PTAR1: variants seen among roughly 807,000 people sequenced by gnomAD.
PTAR1 encodes the protein protein prenyltransferase alpha subunit repeat-containing protein 1.
In PTAR1, 17 loss-of-function variants were observed where a neutral mutation model predicts 45.5. The observed-to-expected ratio is 0.37, with a 90% CI of 0.26 to 0.56. The LOEUF is 0.56. Ranked by LOEUF, PTAR1 falls within the 20% of genes least tolerant of loss-of-function variation. The pLI, the probability that PTAR1 is intolerant of heterozygous loss-of-function variation, is 0.77. For missense variants in PTAR1, 391 were observed against 476.3 expected, an observed-to-expected ratio of 0.82 and a Z score of 1.67; for synonymous variants, 169 against 171.3, an observed-to-expected ratio of 0.99 and a Z score of 0.11.
chr9:69,718,485 G>A lies in PTAR1; in HGVS notation c.1066C>T (p.Leu356=). 2.5e-6 allele frequency: 4 copies of A among 1,613,722 alleles called. No individual in the cohort carries two copies. The highest frequency in any genetic ancestry group is 2.2e-5 in the East Asian group (1 of 44,862). ...GAGTCTGGAACTGGCGTCCGCTTCA[G>A]GCGTTTGGTTTCCTGGGAATAGCCT... The part of the protein sequence containing the change: ...KQGYSQETKR[L]KRTPVPDSLG... Residue 356 remains leucine, a synonymous_variant, in exon 8 of 8, where the codon CTG becomes TTG. Coordinates refer to ENST00000340434, the MANE Select transcript of PTAR1 (RefSeq NM_001099666.2).
Position 69,732,068 on chromosome 9 carries a change from G to A in PTAR1, c.642+71C>T, listed in dbSNP as rs149249760. On this transcript the variant is annotated intron_variant, in intron 5 of 7. Coordinates refer to ENST00000340434, the MANE Select transcript of PTAR1 (RefSeq NM_001099666.2). ...TTCTCTACTCCTTCAAAGCTCTTCT[G>A]AGAATGAACTACTACCAGAAGATTT... 1.1e-4 allele frequency: 126 copies of A among 1,105,488 alleles called. No individual in the cohort carries two copies. The African/African-American group carries it at 1.7e-3, about 15-fold the overall frequency. The allele number at this position is 1,105,488 out of a possible 1,614,324, so 68.5% of individuals were successfully genotyped here.
chr9:69,752,434 A>G (rs1422994132), intron 1 of PTAR1, among the ~76,000 whole-genome samples: 2 of 152,074 alleles, frequency 1.3e-5, no homozygotes, highest in Non-Finnish European at 2.9e-5. Context: ...AATAAAAAGG[A>G]TATCTTAGGG....
chr9:69,747,764 A>G (rs1826339093), intron 2 of PTAR1, among the ~76,000 whole-genome samples: 1 of 152,126 alleles, frequency 6.6e-6, no homozygotes, highest in Non-Finnish European at 1.5e-5. Flanking sequence ...CCAACTAATA[A>G]AAAGCAATTT....
chr9:69,746,212 T>C (rs1039522601), intron 2 of PTAR1, among the ~76,000 whole-genome samples: 15 of 152,180 alleles, frequency 9.9e-5, no homozygotes, highest in African/African-American at 3.4e-4. Flanking sequence ...AGAAACTAGA[T>C]TAGAAGTATC....
intron 2 of PTAR1, among the ~76,000 whole-genome samples, chr9:69,747,341 T>C (rs555024632): frequency 6.6e-6 from 1 of 152,162 alleles, no homozygotes; most frequent in Non-Finnish European, 1.5e-5. Flanking sequence ...GTTAAGTGTG[T>C]GTATGTGTAT....
At chr9:69,758,746 A>C (rs1408789370) in intron 1 of PTAR1, 1 of 361,810 alleles carries the variant, frequency 2.8e-6, no homozygotes, top group Non-Finnish European at 5.8e-6. Context: ...ACGTTTGGCA[A>C]CTTTTTTAGG....
rs370296151 is a variant in PTAR1, at chr9:69,716,483, G to A, written c.*1859C>T. On this transcript the variant is annotated 3_prime_UTR_variant, in exon 8 of 8. Coordinates refer to ENST00000340434, the MANE Select transcript of PTAR1 (RefSeq NM_001099666.2). ...GGCCAGGCTAGACAACTTTTCTGGC[G>A]TTCTTAAGTCTCAACTCACTTCAAC... The A allele has an allele frequency of 2.0e-5, 3 of 152,130 alleles. No homozygotes were observed. The highest frequency in any genetic ancestry group is 4.2e-4 in the South Asian group (2 of 4,816). 9.4% of individuals were successfully genotyped at this position (152,130 alleles called of 1,614,324 possible). A position where few individuals can be genotyped will look rare whatever the true frequency, so the allele number is the denominator to read the frequency against.
chr9:69,726,491 G>A (rs1043476806), intron 5 of PTAR1, among the ~76,000 whole-genome samples: 3 of 151,914 alleles, frequency 2.0e-5, no homozygotes, highest in African/African-American at 7.2e-5. Context: ...GAAATTTGTA[G>A]AAATATACTT....
At chr9:69,742,921 A>G (rs185298795) in intron 2 of PTAR1, among the ~76,000 whole-genome samples, 1 of 152,282 alleles carries the variant, frequency 6.6e-6, no homozygotes, top group African/African-American at 2.4e-5. Context: ...ATAAGCCTCT[A>G]TTTGAAAGAA....
chr9:69,722,942 A>AT, intron 6 of PTAR1, among the ~76,000 whole-genome samples: 1 of 150,626 alleles, frequency 6.6e-6, no homozygotes, highest in Non-Finnish European at 1.5e-5. Context: ...TCTATCTCAA[A>AT]AAAAAAAAAA....
chr9:69,740,278 CCTCT>C (rs964810050), intron 3 of PTAR1, among the ~76,000 whole-genome samples: 1 of 151,252 alleles, frequency 6.6e-6, no homozygotes, highest in Non-Finnish European at 1.5e-5. Context: ...TTTTTGAATT[CCTCT>C]CTATTGGTGA....
chr9:69,733,343 G>A (rs1271039846), intron 4 of PTAR1, among the ~76,000 whole-genome samples: 1 of 152,094 alleles, frequency 6.6e-6, no homozygotes, highest in Non-Finnish European at 1.5e-5. Flanking sequence ...CTAAAGGCAC[G>A]ATTACCACTA....
intron 5 of PTAR1, among the ~76,000 whole-genome samples, chr9:69,726,841 T>C (rs1825305067): frequency 6.6e-6 from 1 of 152,000 alleles, no homozygotes; most frequent in Non-Finnish European, 1.5e-5. Context: ...GGTCTTTACA[T>C]ATTAAAGATA....
rs572712466 is a variant in PTAR1, at chr9:69,736,511, C to T, written c.324-2257G>A. ...GGCAGAGGTTGCAGTGAGCCAAGAT[C>T]GCGCCACTGCACTCCAGCCTGGCAA... On this transcript the variant is annotated intron_variant, in intron 3 of 7. Transcript: ENST00000340434. 2.6e-5 allele frequency among the ~76,000 whole-genome samples: 4 copies of T among 152,184 alleles called. No individual in the cohort carries two copies. The South Asian group carries it at 8.3e-4, about 32-fold the overall frequency.
intron 1 of PTAR1, among the ~76,000 whole-genome samples, chr9:69,754,676 G>C (rs928247579): frequency 1.3e-5 from 2 of 149,368 alleles, no homozygotes; most frequent in Admixed American, 6.7e-5. Flanking sequence ...TGAGTAGCTG[G>C]GACTACAGGT....
chr9:69,758,675 A>C, intron 1 of PTAR1: 1 of 414,732 alleles, frequency 2.4e-6, no homozygotes. Flanking sequence ...AAAACATCCA[A>C]CGGCTTCTTA....
rs532228639 is a variant in PTAR1 at position 69,733,960 on chromosome 9, G to A, written c.428+190C>T. Among the ~76,000 whole-genome samples the A allele has an allele frequency of 1.4e-4, 22 of 152,098 alleles. No individual in the cohort carries two copies. In the South Asian group the frequency reaches 4.2e-3, roughly 29 times the overall value. ...TTTACAAATGAGAAAACTGAGGCTT[G>A]GTGAGTTAAGTAATTTCCCATGAAC... On this transcript the variant is annotated intron_variant, in intron 4 of 7. Transcript: ENST00000340434.
rs752589976 is a variant in PTAR1, at chr9:69,759,912, C to G, written c.27G>C (p.Ala9=). The change falls in exon 1 of 8, where the codon GCG becomes GCC. Residue 9 remains alanine, a synonymous_variant. Coordinates refer to ENST00000340434, the MANE Select transcript of PTAR1 (RefSeq NM_001099666.2). The part of the protein sequence containing the change: MAETSEEV[A]VLVQRVVKDI... The stretch of plus-strand genomic sequence containing the variant: ...CCTTCACAACCCGCTGCACCAGCAC[C>G]GCCACCTCCTCGCTGGTCTCGGCCA... The G allele has an allele frequency of 6.6e-7, 1 of 1,523,846 alleles. No individual in the cohort carries two copies. Among genetic ancestry groups the G allele is most frequent in the Non-Finnish European group, 8.8e-7 (1 of 1,136,224 alleles). The allele number at this position is 1,523,846 out of a possible 1,614,324, so 94.4% of individuals were successfully genotyped here.
chr9:69,738,999 G>C (rs533983781), intron 3 of PTAR1, among the ~76,000 whole-genome samples: 1 of 151,954 alleles, frequency 6.6e-6, no homozygotes, highest in South Asian at 2.1e-4. Context: ...GTAGAGATGG[G>C]GTTTCACCAT....
Sources: allele counts gnomAD v4.1 joint callset (sites outside exome capture counted in the v4.1 genomes callset), GRCh38; gene constraint gnomAD v4.1.1; transcripts MANE v1.5; gene names NCBI Gene and HGNC (gene_info 2026-07-23, HGNC 2026-07-21).